Variants in SUSD1 observed in about 807,000 individuals in gnomAD.
SUSD1 encodes sushi domain-containing protein 1.
In SUSD1, 65 loss-of-function variants were observed where a neutral mutation model predicts 86.9. The ratio of observed to expected loss-of-function variants is 0.75; its 90% CI spans 0.61 to 0.92. The LOEUF is 0.92. SUSD1 is among the 40% of genes least tolerant of loss of function. SUSD1 has a pLI of 0.00. For synonymous variants in SUSD1, 346 were observed against 350.0 expected, an observed-to-expected ratio of 0.99 and a Z score of 0.13; for missense variants, 850 against 929.7, an observed-to-expected ratio of 0.91 and a Z score of 1.11.
In SUSD1 at chr9:112,052,447, G is replaced by GA; in HGVS notation, c.2110-10dup. On this transcript the variant is annotated splice_polypyrimidine_tract_variant and intron_variant, in intron 14 of 16. Transcript: ENST00000374270. ...CAGGAGTGTCTTCTCACCTATAAAGGAAAACATAGCAATGCATTTAGCTAG... is the reference window on the plus strand; with the variant it reads ...CAGGAGTGTCTTCTCACCTATAAAGGAAAAACATAGCAATGCATTTAGCTAG... 6.2e-7 allele frequency: 1 copy of GA among 1,613,930 alleles called. No individual in the cohort carries two copies. Among genetic ancestry groups the GA allele is most frequent in the Middle Eastern group, 1.6e-4 (1 of 6,062 alleles).
At chr9:112,110,944 T>C (rs1488858328) in intron 8 of SUSD1, among the ~76,000 whole-genome samples, 1 of 152,146 alleles carries the variant, frequency 6.6e-6, no homozygotes, top group East Asian at 1.9e-4. Context: ...TCAGCCTCCC[T>C]GGCACCTCCT....
At position 112,132,294 on chromosome 9, in the gene SUSD1, GCAGA is replaced by G. The variant is rs149617833; in HGVS notation, c.707-7862_707-7859del. Among the ~76,000 whole-genome samples the G allele has an allele frequency of 3.4e-3, 523 of 152,252 alleles. 2 individuals carry two copies. The highest frequency in any genetic ancestry group is 0.012 in the African/African-American group (504 of 41,544). On this transcript the variant is annotated intron_variant, in intron 5 of 16. Coordinates refer to ENST00000374270, the MANE Select transcript of SUSD1 (RefSeq NM_022486.5). The stretch of plus-strand genomic sequence containing the variant: ...TGACCAACAATGCCAATAAATTGAG[GCAGA>G]CATTTTGCCAACTGCCAGGGGAATT...
intron 1 of SUSD1, among the ~76,000 whole-genome samples, chr9:112,170,706 T>TAGAGAG (rs765076866): frequency 6.8e-5 from 6 of 88,372 alleles, no homozygotes; most frequent in East Asian, 2.9e-4. Flanking sequence ...TATATATATA[T>TAGAGAG]ATATAGAGAG....
rs2296213 is a variant in SUSD1 at position 112,058,461 on chromosome 9, G to A, written c.2076C>T (p.Cys692=). The change falls in exon 14 of 17, where the codon TGC becomes TGT. Residue 692 remains cysteine (C), a synonymous_variant. Transcript: ENST00000374270. ...ATTCACTTGTGATTCGTAATATAAT[G>A]CAGTAATCACTCCCTCTTTTCAAGG... ...NAPLKRGSDY[C]IILRITSEWN... 25,227 of 1,614,028 alleles carry A rather than the reference G, an allele frequency of 0.016. 577 individuals carry two copies. Among genetic ancestry groups the A allele is most frequent in the East Asian group, 0.071 (3,168 of 44,880 alleles).
chr9:112,123,651 T>A (rs1831642264), intron 6 of SUSD1, among the ~76,000 whole-genome samples: 1 of 151,788 alleles, frequency 6.6e-6, no homozygotes, highest in South Asian at 2.1e-4. Context: ...AATGCAAAAA[T>A]TAGCTGGGCA....
In SUSD1 at chr9:112,091,059, G is replaced by T. The variant is rs187123604; in HGVS notation, c.1474+7411C>A. Among the ~76,000 whole-genome samples, 228 of 152,312 alleles carry T rather than the reference G, an allele frequency of 1.5e-3. 1 individual carries two copies. The South Asian group carries it at 0.016, about 11-fold the overall frequency. ...GATCTACAAGGTCACTAACTTATCT[G>T]TTAAAAGAACAAACATCTACTCTCT... On this transcript the variant is annotated intron_variant, in intron 10 of 16. Coordinates refer to ENST00000374270, the MANE Select transcript of SUSD1 (RefSeq NM_022486.5).
intron 14 of SUSD1, among the ~76,000 whole-genome samples, chr9:112,056,071 G>A (rs1308663528): frequency 6.6e-6 from 1 of 152,054 alleles, no homozygotes; most frequent in African/African-American, 2.4e-5. Flanking sequence ...AACCAGCCTG[G>A]GCAACATGGA....
At chr9:112,103,535 C>T (rs1830712716) in intron 8 of SUSD1, among the ~76,000 whole-genome samples, 2 of 152,216 alleles carry the variant, frequency 1.3e-5, no homozygotes, top group African/African-American at 4.8e-5. Flanking sequence ...CTGCACAGTT[C>T]ACATCTCAAT....
At chr9:112,046,313 T>A (rs999214618) in intron 15 of SUSD1, among the ~76,000 whole-genome samples, 3 of 152,234 alleles carry the variant, frequency 2.0e-5, no homozygotes, top group African/African-American at 4.8e-5. Flanking sequence ...CATGGTCTCA[T>A]GCCAGAGAAC....
intron 6 of SUSD1, among the ~76,000 whole-genome samples, chr9:112,118,316 C>T (rs1179365997): frequency 6.6e-6 from 1 of 152,136 alleles, no homozygotes; most frequent in Non-Finnish European, 1.5e-5. Context: ...TATGGCTTCC[C>T]ACAGTGCCTA....
At chr9:112,159,505 A>T (rs1302980413) in intron 1 of SUSD1, among the ~76,000 whole-genome samples, 1 of 152,244 alleles carries the variant, frequency 6.6e-6, no homozygotes, top group Non-Finnish European at 1.5e-5. Flanking sequence ...TGTATCTCAG[A>T]CCGTAAAGAC....
At chr9:112,049,259 A>G (rs759401639) in intron 15 of SUSD1, among the ~76,000 whole-genome samples, 43 of 152,242 alleles carry the variant, frequency 2.8e-4, no homozygotes, top group Non-Finnish European at 5.0e-4. Context: ...CAGAGGTTTC[A>G]TGCTTACGAC....
chr9:112,086,826 C>T lies in SUSD1; in HGVS notation c.1475-6661G>A, dbSNP rs1830004725. The stretch of plus-strand genomic sequence containing the variant: ...TGATTCATGCCCAGTCTTATCAAAA[C>T]AAACAAACAAACAAACAAAAAAAAC... On this transcript the variant is annotated intron_variant, in intron 10 of 16. Coordinates refer to ENST00000374270, the MANE Select transcript of SUSD1 (RefSeq NM_022486.5). 2.1e-5 allele frequency among the ~76,000 whole-genome samples: 3 copies of T among 145,432 alleles called. No homozygotes were observed. The South Asian group carries it at 6.2e-4, about 30-fold the overall frequency.
chr9:112,077,656 C>A (rs112809964), intron 12 of SUSD1, among the ~76,000 whole-genome samples: 13,317 of 151,516 alleles, frequency 0.088, 792 homozygotes, highest in East Asian at 0.23. Flanking sequence ...AGGCACCTGA[C>A]ACCACACCCA....
chr9:112,138,237 G>GTGTA (rs1554770274), intron 5 of SUSD1, among the ~76,000 whole-genome samples: 2 of 4,152 alleles, frequency 4.8e-4, no homozygotes, highest in Non-Finnish European at 3.6e-4. Flanking sequence ...AAAAAAATGT[G>GTGTA]TATATATATA....
intron 6 of SUSD1, among the ~76,000 whole-genome samples, chr9:112,119,072 A>G (rs1362793000): frequency 6.6e-6 from 1 of 152,116 alleles, no homozygotes; most frequent in Non-Finnish European, 1.5e-5. Flanking sequence ...TGGCTCTACC[A>G]TTTGCTAATT....
intron 8 of SUSD1, among the ~76,000 whole-genome samples, chr9:112,105,174 G>A (rs1830784702): frequency 6.6e-6 from 1 of 152,076 alleles, no homozygotes; most frequent in African/African-American, 2.4e-5. Flanking sequence ...GATAGGAAAT[G>A]TCAATGCAAA....
intron 12 of SUSD1, among the ~76,000 whole-genome samples, chr9:112,076,836 G>C (rs1321467305): frequency 6.6e-6 from 1 of 152,210 alleles, no homozygotes; most frequent in Admixed American, 6.5e-5. Context: ...GGGGTTTCAA[G>C]AGGGAGGGAG....
intron 2 of SUSD1, among the ~76,000 whole-genome samples, chr9:112,152,556 C>G (rs990250720): frequency 3.4e-5 from 5 of 145,118 alleles, no homozygotes; most frequent in Non-Finnish European, 6.0e-5. Context: ...GTGACTGCTA[C>G]TGTGCCTGGA....
Sources: gnomAD v4.1 joint callset for allele counts (sites outside exome capture counted in the v4.1 genomes callset) on GRCh38, gnomAD v4.1.1 for gene constraint, MANE v1.5 for transcripts, NCBI Gene and HGNC (gene_info 2026-07-23, HGNC 2026-07-21) for gene names.